NOXA1: variants seen among roughly 807,000 people sequenced by gnomAD.
The protein encoded by NOXA1 is NCF2-like protein.
A neutral mutation model predicts 64.8 loss-of-function variants in NOXA1; 56 were observed. That is an observed-to-expected ratio of 0.86 (90% CI 0.70 to 1.08). The LOEUF is 1.08. NOXA1 is among the 50% of genes least tolerant of loss of function. NOXA1 has a pLI of 0.00. For synonymous variants in NOXA1, 295 were observed against 294.8 expected (o/e 1.00, Z -0.01); for missense variants, 668 against 658.5 (o/e 1.01, Z -0.16).
chr9:137,429,083 A>G, intron 4 of NOXA1, 67 bp downstream of exon 4: 1 of 1,455,708 alleles, frequency 6.9e-7, no homozygotes, highest in Non-Finnish European at 9.1e-7. Context: ...GACCAATTTC[A>G]TGAGATGAAG....
rs1170745430 is a variant in NOXA1 at position 137,431,215 on chromosome 9, G to A, written c.699-21G>A. The stretch of plus-strand genomic sequence containing the variant: ...GGGCAGTCAGATGGGCAGGGCCTGA[G>A]AGCCTCCCTCCTCTCCCTAGGTCCC... On this transcript the variant is annotated intron_variant, in intron 7 of 13. Coordinates refer to ENST00000683555, the MANE Select transcript of NOXA1 (RefSeq NM_001256067.2). The surrounding 1 kb of genome is among the most constrained non-coding windows in gnomAD (Gnocchi z 5.6). 1 of 1,609,748 alleles carries A rather than the reference G, an allele frequency of 6.2e-7. No homozygotes were observed. Among genetic ancestry groups the A allele is most frequent in the African/African-American group, 1.3e-5 (1 of 74,996 alleles).
intron 1 of NOXA1, among the ~76,000 whole-genome samples, chr9:137,424,189 A>G (rs963586266): frequency 1.3e-5 from 2 of 152,018 alleles, no homozygotes; most frequent in African/African-American, 4.8e-5. Context: ...GCGCATCCCA[A>G]ACGCCAGCGC....
intron 11 of NOXA1, 49 bp downstream of exon 11, chr9:137,433,656 G>A (rs892041859): frequency 1.4e-5 from 22 of 1,519,446 alleles, no homozygotes; most frequent in East Asian, 5.0e-5. Context: ...GCACCGCCCC[G>A]ACTGAGGCAG....
At chr9:137,424,467 G>C (rs1031963463) in intron 1 of NOXA1, among the ~76,000 whole-genome samples, 1 of 152,126 alleles carries the variant, frequency 6.6e-6, no homozygotes, top group South Asian at 2.1e-4. Flanking sequence ...ATGGAGTCTC[G>C]TTCTGTCACC....
At chr9:137,429,242 C>A (rs1838980847) in intron 4 of NOXA1, 34 bp from the exon 5 acceptor site, 1 of 1,462,522 alleles carries the variant, frequency 6.8e-7, no homozygotes, top group Non-Finnish European at 9.2e-7. Context: ...GTTGGTCACC[C>A]CGTCTGCATC....
chr9:137,427,952 C>G (rs28580293), intron 2 of NOXA1, 81 bp from the exon 3 acceptor site: 287,415 of 948,314 alleles, frequency 0.3, 46,683 homozygotes, highest in East Asian at 0.62. Context: ...GGGGGCGGCT[C>G]GAGCGGGGCT....
intron 1 of NOXA1, among the ~76,000 whole-genome samples, chr9:137,425,154 C>T (rs1238849572): frequency 2.6e-5 from 4 of 152,188 alleles, no homozygotes; most frequent in Admixed American, 6.5e-5. Flanking sequence ...CTTGGTTCAA[C>T]GACAAGCCCC....
intron 2 of NOXA1, among the ~76,000 whole-genome samples, chr9:137,427,617 G>GAGGCCTCTCCGGC (rs1330131970): frequency 4.6e-5 from 7 of 152,266 alleles, no homozygotes; most frequent in Admixed American, 4.6e-4. Flanking sequence ...GCCTGGAGGA[G>GAGGCCTCTCCGGC]AGGCCTCTCC....
Position 137,423,472 on chromosome 9 carries a change from C to A in NOXA1, c.-58C>A, listed in dbSNP as rs1838661019. 2 of 1,150,968 alleles carry A rather than the reference C, an allele frequency of 1.7e-6. No individual in the cohort carries two copies. Among genetic ancestry groups the A allele is most frequent in the South Asian group, 3.9e-5 (1 of 25,486 alleles). 71.3% of individuals were successfully genotyped at this position (1,150,968 alleles called of 1,614,324 possible). ...CGCAGCCCCGCGCCGCCGCCTGGCC[C>A]CGGCCCCGGCCCCTCCGCGGGATCC... On this transcript the variant is annotated 5_prime_UTR_variant, in exon 1 of 14. Coordinates refer to ENST00000683555, the MANE Select transcript of NOXA1 (RefSeq NM_001256067.2).
intron 3 of NOXA1, among the ~76,000 whole-genome samples, chr9:137,428,500 C>A (rs371411545): frequency 3.3e-5 from 5 of 151,842 alleles, no homozygotes; most frequent in East Asian, 1.9e-4. Context: ...GAGGCCCCCC[C>A]ACCAGACCCC....
rs757563084 is a variant in NOXA1 at position 137,430,823 on chromosome 9, G to A, written c.652G>A (p.Val218Ile). The A allele has an allele frequency of 1.9e-5, 30 of 1,590,272 alleles. No homozygotes were observed. The highest frequency in any genetic ancestry group is 8.9e-5 in the South Asian group (8 of 89,794). The change falls in exon 6 of 14, where the codon GTC becomes ATC. Residue 218 changes from valine to isoleucine, a missense_variant. Physicochemically the swap from Val to Ile is conservative, Grantham distance 29. Transcript: ENST00000683555. Reference sequence around the variant, plus strand: ...CATCCCCGACGACCAGGGCTGGGGCGTCCGCCCTCAGCAGCCACAGGTGGG... The same window carrying A: ...CATCCCCGACGACCAGGGCTGGGGCATCCGCCCTCAGCAGCCACAGGTGGG... ...SAIPDDQGWG[V>I]RPQQPQGPGA...
In NOXA1 at chr9:137,428,070, G is replaced by C; in HGVS notation, c.298G>C (p.Glu100Gln). 6.3e-7 allele frequency: 1 copy of C among 1,585,472 alleles called. No individual in the cohort carries two copies. Among genetic ancestry groups the C allele is most frequent in the South Asian group, 1.2e-5 (1 of 86,786 alleles). ...EALSDFWLAL[E>Q]QLRGHAAIDY... ...TCTGTCTGACTTCTGGCTGGCCCTG[G>C]AGCAGCTGAGGGGCCACGCTGCCAT... is the stretch of plus-strand genomic sequence containing the variant. Residue 100 changes from glutamate to glutamine, a missense_variant, in exon 3 of 14, where the codon GAG becomes CAG. Coordinates refer to ENST00000683555, the MANE Select transcript of NOXA1 (RefSeq NM_001256067.2).
At chr9:137,428,191 G>T in intron 3 of NOXA1, 50 bp downstream of exon 3, 1 of 1,353,834 alleles carries the variant, frequency 7.4e-7, no homozygotes. Context: ...GTGTCCACGG[G>T]CGGTGGCACT....
intron 1 of NOXA1, among the ~76,000 whole-genome samples, chr9:137,425,214 C>T (rs1263904968): frequency 6.6e-6 from 1 of 152,192 alleles, no homozygotes; most frequent in African/African-American, 2.4e-5. Context: ...CTGTCACACA[C>T]ATTTAACTGA....
At position 137,431,690 on chromosome 9, in the gene NOXA1, G is replaced by A. The variant is rs1484522017; in HGVS notation, c.804+349G>A. Among the ~76,000 whole-genome samples, 2 of 152,132 alleles carry A rather than the reference G, an allele frequency of 1.3e-5. No individual in the cohort carries two copies. The highest frequency in any genetic ancestry group is 4.8e-5 in the African/African-American group (2 of 41,442). ...AGGAGTGACCCAGCTGGGGACAGGC[G>A]GGAGGCAGGACAGCTCTGGAGGGGC... On this transcript the variant is annotated intron_variant, in intron 8 of 13. Coordinates refer to ENST00000683555, the MANE Select transcript of NOXA1 (RefSeq NM_001256067.2). The surrounding 1 kb of genome is among the most constrained non-coding windows in gnomAD (Gnocchi z 5.6).
chr9:137,430,922 C>T, intron 6 of NOXA1, 79 bp downstream of exon 6: 1 of 1,549,576 alleles, frequency 6.5e-7, no homozygotes, highest in Non-Finnish European at 8.8e-7. Flanking sequence ...AGCTCTGAGC[C>T]CTCCTGGGGC....
intron 5 of NOXA1, among the ~76,000 whole-genome samples, chr9:137,430,138 G>A (rs1011612731): frequency 2.7e-5 from 4 of 150,346 alleles, no homozygotes; most frequent in African/African-American, 9.9e-5. Flanking sequence ...AGATAGCGAG[G>A]TCCCTGGGGG....
At chr9:137,430,374 ACTGGCCACGCCCCATTGG>A (rs1011898331) in intron 5 of NOXA1, among the ~76,000 whole-genome samples, 2 of 152,156 alleles carry the variant, frequency 1.3e-5, no homozygotes, top group African/African-American at 2.4e-5. Flanking sequence ...CACGCCCCGG[ACTGGCCACGCCCCATTGG>A]CTGGCCACGC....
chr9:137,431,433 G>C lies in NOXA1; in HGVS notation c.804+92G>C, dbSNP rs535955803. The C allele has an allele frequency of 5.1e-3, 5,563 of 1,094,812 alleles. 34 individuals carry two copies. Among genetic ancestry groups the C allele is most frequent in the Non-Finnish European group, 6.3e-3 (4,634 of 740,676 alleles). The allele number at this position is 1,094,812 out of a possible 1,614,324, so 67.8% of individuals were successfully genotyped here. Reference sequence around the variant, plus strand: ...CCACAATGGGACCAACATGAGGGTGGAGGGAGCAGCTCGCTGGGGGGTAGA... The same window carrying C: ...CCACAATGGGACCAACATGAGGGTGCAGGGAGCAGCTCGCTGGGGGGTAGA... On this transcript the variant is annotated intron_variant, in intron 8 of 13. Transcript: ENST00000683555. The surrounding 1 kb of genome is among the most constrained non-coding windows in gnomAD (Gnocchi z 5.6).
Sources: allele counts gnomAD v4.1 joint callset (sites outside exome capture counted in the v4.1 genomes callset), GRCh38; gene constraint gnomAD v4.1.1; non-coding constraint Gnocchi (gnomAD v3.1); transcripts MANE v1.5; gene names NCBI Gene and HGNC (gene_info 2026-07-23, HGNC 2026-07-21).